VARS1: variants seen among roughly 807,000 people sequenced by gnomAD.
VARS1 encodes the protein valine--tRNA ligase.
In VARS1, 92 loss-of-function variants were observed where a neutral mutation model predicts 161.0. That is an observed-to-expected ratio of 0.57 (90% CI 0.48 to 0.68). The LOEUF (loss-of-function observed/expected upper bound fraction) is 0.68. Among genes scored for constraint, VARS1 ranks in the 30% least tolerant of loss-of-function variants. VARS1 has a pLI of 0.00. For missense variants in VARS1, 1,338 were observed against 1,695.9 expected (o/e 0.79, Z 3.71); for synonymous variants, 595 against 682.5 (o/e 0.87, Z 2.00).
Position 31,782,629 on chromosome 6 carries a change from A to C in VARS1, c.1892T>G (p.Leu631Arg). ...CGCTTTCCTGGCCTCAAACCTGGGCAGGCCCTGGGTAGGAATGAGGCCTCA... is the reference window on the plus strand; with the variant it reads ...CGCTTTCCTGGCCTCAAACCTGGGCCGGCCCTGGGTAGGAATGAGGCCTCA... ...LINVPPPFLG[L>R]PRFEARKAVL... The change falls in exon 16 of 30, where the codon CTG (leucine) becomes CGG (arginine). Residue 631 changes from leucine (L) to arginine (R), a missense_variant. Physicochemically the swap from Leu to Arg is moderately radical, Grantham distance 102. This residue lies in a region of VARS1 where 902 missense variants were observed against 1,090.3 expected (regional missense o/e 0.83). Transcript: ENST00000375663. The surrounding 1 kb of genome is among the most constrained non-coding windows in gnomAD (Gnocchi z 8.3). 1 of 1,613,094 alleles carries C rather than the reference A, an allele frequency of 6.2e-7. No individual in the cohort carries two copies.
In VARS1 at chr6:31,778,739, T is replaced by G; in HGVS notation, c.3726+228A>C. ...GTTGGCTGGTCTCAAACCCCTGGGC[T>G]CAAGTGATCCACCCACCTTGGCCTC... On this transcript the variant is annotated intron_variant, in intron 29 of 29. Transcript: ENST00000375663. The surrounding 1 kb of genome is among the most constrained non-coding windows in gnomAD (Gnocchi z 5.1). 1 of 586,900 alleles carries G rather than the reference T, an allele frequency of 1.7e-6. No homozygotes were observed. The highest frequency in any genetic ancestry group is 3.0e-6 in the Non-Finnish European group (1 of 338,784). 36.4% of individuals were successfully genotyped at this position (586,900 alleles called of 1,614,324 possible).
At position 31,784,106 on chromosome 6, in the gene VARS1, C is replaced by G. The variant is rs1246529777; in HGVS notation, c.1671+108G>C. 2.4e-6 allele frequency: 3 copies of G among 1,275,646 alleles called. No homozygotes were observed. In the African/African-American group the frequency reaches 4.4e-5, roughly 19 times the overall value. The allele number at this position is 1,275,646 out of a possible 1,614,324, so 79.0% of individuals were successfully genotyped here. ...AAAGAAGCTGAAGACCAGTTTCTAA[C>G]CCAGTTTCCTCTCCTCAGCCAGGGG... On this transcript the variant is annotated intron_variant, in intron 13 of 29. Transcript: ENST00000375663. The surrounding 1 kb of genome is among the most constrained non-coding windows in gnomAD (Gnocchi z 6.1).
At chr6:31,793,829 G>A (rs1456890805) in intron 2 of VARS1, among the ~76,000 whole-genome samples, 1 of 152,102 alleles carries the variant, frequency 6.6e-6, no homozygotes, top group Non-Finnish European at 1.5e-5. Context: ...GGGGCCAGGC[G>A]TGGTGGCTCA....
Position 31,780,406 on chromosome 6 carries a change from AGTGCTGC to A in VARS1, c.2925+28_2925+34del. 6.2e-7 allele frequency: 1 copy of A among 1,601,086 alleles called. No homozygotes were observed. The highest frequency in any genetic ancestry group is 1.1e-5 in the South Asian group (1 of 88,400). On this transcript the variant is annotated intron_variant, in intron 25 of 29. Transcript: ENST00000375663. This position sits in a 1 kb window ranked among gnomAD's most constrained non-coding sequence, Gnocchi z 5.1. ...TCCGGACAGGGGTACAGCCTGTGTG[AGTGCTGC>A]CAGCTTTGCTGCCCACCAGGCCCTT...
Position 31,777,520 on chromosome 6 carries a change from T to G in VARS1, c.*74A>C. 1 of 1,586,828 alleles carries G rather than the reference T, an allele frequency of 6.3e-7. No homozygotes were observed. The highest frequency in any genetic ancestry group is 8.6e-7 in the Non-Finnish European group (1 of 1,157,488). On this transcript the variant is annotated 3_prime_UTR_variant, in exon 30 of 30. Coordinates refer to ENST00000375663, the MANE Select transcript of VARS1 (RefSeq NM_006295.3). The surrounding 1 kb of genome is among the most constrained non-coding windows in gnomAD (Gnocchi z 5.8). ...CCCCACCACAGACGACAAGAGGATT[T>G]TGTGGGAAAATATTTTATTGCTGCC...
At position 31,780,858 on chromosome 6, in the gene VARS1, A is replaced by G; in HGVS notation, c.2718+12T>C. The stretch of plus-strand genomic sequence containing the variant: ...GCTGTGCTCCTGCTTAGCCCAGCCC[A>G]ACCCTCCATACCTGCCCTTCTTTGG... On this transcript the variant is annotated intron_variant, in intron 23 of 29. Coordinates refer to ENST00000375663, the MANE Select transcript of VARS1 (RefSeq NM_006295.3). The surrounding 1 kb of genome is among the most constrained non-coding windows in gnomAD (Gnocchi z 5.1). 4 of 1,614,178 alleles carry G rather than the reference A, an allele frequency of 2.5e-6. No individual in the cohort carries two copies. The highest frequency in any genetic ancestry group is 3.4e-6 in the Non-Finnish European group (4 of 1,180,016).
chr6:31,789,236 C>T (rs1206901073), intron 8 of VARS1, among the ~76,000 whole-genome samples: 1 of 150,926 alleles, frequency 6.6e-6, no homozygotes, highest in Non-Finnish European at 1.5e-5. Context: ...ATACCCAGAA[C>T]AGGTAAAGAA....
chr6:31,788,591 G>A (rs1476668811), intron 8 of VARS1, among the ~76,000 whole-genome samples: 2 of 150,962 alleles, frequency 1.3e-5, no homozygotes, highest in African/African-American at 4.9e-5. Context: ...CAGATCATGA[G>A]GTCAAGAGAT....
At position 31,778,871 on chromosome 6, in the gene VARS1, A is replaced by C; in HGVS notation, c.3726+96T>G. 2.0e-6 allele frequency: 3 copies of C among 1,487,504 alleles called. No individual in the cohort carries two copies. The highest frequency in any genetic ancestry group is 2.8e-6 in the Non-Finnish European group (3 of 1,083,148). 92.1% of individuals were successfully genotyped at this position (1,487,504 alleles called of 1,614,324 possible). A position where few individuals can be genotyped will look rare whatever the true frequency, so the allele number is the denominator to read the frequency against. On this transcript the variant is annotated intron_variant, in intron 29 of 29. Coordinates refer to ENST00000375663, the MANE Select transcript of VARS1 (RefSeq NM_006295.3). The surrounding 1 kb of genome is among the most constrained non-coding windows in gnomAD (Gnocchi z 5.1). ...AAGAAATCTGTAACTGGTTACGATCAATTAGTTGTCAACACCACTGCACTC... is the reference window on the plus strand; with the variant it reads ...AAGAAATCTGTAACTGGTTACGATCCATTAGTTGTCAACACCACTGCACTC...
At position 31,780,239 on chromosome 6, in the gene VARS1, C is replaced by A; in HGVS notation, c.2926-86G>T. 1 of 1,576,456 alleles carries A rather than the reference C, an allele frequency of 6.3e-7. No homozygotes were observed. The highest frequency in any genetic ancestry group is 2.3e-5 in the East Asian group (1 of 44,394). On this transcript the variant is annotated intron_variant, in intron 25 of 29. Coordinates refer to ENST00000375663, the MANE Select transcript of VARS1 (RefSeq NM_006295.3). The surrounding 1 kb of genome is among the most constrained non-coding windows in gnomAD (Gnocchi z 5.1). Reference sequence around the variant, plus strand: ...GCAGGAGTCATGGGCAAATCTTCATCCAGAGTCTGATGAGTCCAAAGCAAC... The same window carrying A: ...GCAGGAGTCATGGGCAAATCTTCATACAGAGTCTGATGAGTCCAAAGCAAC...
At position 31,781,978 on chromosome 6, in the gene VARS1, A is replaced by C. The variant is rs1425690987; in HGVS notation, c.2242-26T>G. 6.2e-7 allele frequency: 1 copy of C among 1,612,978 alleles called. No homozygotes were observed. Among genetic ancestry groups the C allele is most frequent in the Non-Finnish European group, 8.5e-7 (1 of 1,179,956 alleles). ...CTGCCACAGGTGCAGTGATTACCCA[A>C]GGGGGTGTGTCTGCTTCTGGCTCAC... On this transcript the variant is annotated intron_variant, in intron 18 of 29. Coordinates refer to ENST00000375663, the MANE Select transcript of VARS1 (RefSeq NM_006295.3). This position sits in a 1 kb window ranked among gnomAD's most constrained non-coding sequence, Gnocchi z 6.8.
At position 31,784,262 on chromosome 6, in the gene VARS1, C is replaced by T. The variant is rs780936810; in HGVS notation, c.1623G>A (p.Met541Ile). Residue 541 changes from methionine (M) to isoleucine (I), a missense_variant, in exon 13 of 30, where the codon ATG becomes ATA. Transcript: ENST00000375663. This position sits in a 1 kb window ranked among gnomAD's most constrained non-coding sequence, Gnocchi z 6.1. The part of the protein sequence containing the change: ...VVVATTRIET[M>I]LGDVAVAVHP... Reference sequence around the variant, plus strand: ...GCACAGCTACAGCCACATCTCCCAGCATTGTCTCGATCCGAGTTGTTGCCA... The same window carrying T: ...GCACAGCTACAGCCACATCTCCCAGTATTGTCTCGATCCGAGTTGTTGCCA... 5 of 1,614,190 alleles carry T rather than the reference C, an allele frequency of 3.1e-6. No individual in the cohort carries two copies. Among genetic ancestry groups the T allele is most frequent in the South Asian group, 1.1e-5 (1 of 91,086 alleles).
Position 31,784,781 on chromosome 6 carries a change from G to A in VARS1, c.1348-67C>T. 1 of 1,605,836 alleles carries A rather than the reference G, an allele frequency of 6.2e-7. No homozygotes were observed. The highest frequency in any genetic ancestry group is 8.5e-7 in the Non-Finnish European group (1 of 1,176,480). ...CCTGGAGGCCCAGGCAGACACCCAG[G>A]GCTCCAGTGAGGCCTTGCCCATACA... is the stretch of plus-strand genomic sequence containing the variant. On this transcript the variant is annotated intron_variant, in intron 10 of 29. Coordinates refer to ENST00000375663, the MANE Select transcript of VARS1 (RefSeq NM_006295.3). This position sits in a 1 kb window ranked among gnomAD's most constrained non-coding sequence, Gnocchi z 6.1.
Position 31,777,889 on chromosome 6 carries a change from A to C in VARS1, c.3727-227T>G. 1.7e-6 allele frequency: 1 copy of C among 601,392 alleles called. No individual in the cohort carries two copies. Among genetic ancestry groups the C allele is most frequent in the Non-Finnish European group, 3.0e-6 (1 of 338,394 alleles). The allele number at this position is 601,392 out of a possible 1,614,324, so 37.3% of individuals were successfully genotyped here. ...TTCCACCAAGTGGTGAGTCCCCAAGAACAAAGGAACCTCAGAGCCTACGTG... is the reference window on the plus strand; with the variant it reads ...TTCCACCAAGTGGTGAGTCCCCAAGCACAAAGGAACCTCAGAGCCTACGTG... On this transcript the variant is annotated intron_variant, in intron 29 of 29. Transcript: ENST00000375663. This position sits in a 1 kb window ranked among gnomAD's most constrained non-coding sequence, Gnocchi z 5.8.
Position 31,782,174 on chromosome 6 carries a change from C to T in VARS1, c.2154G>A (p.Glu718=). Residue 718 remains glutamate, a synonymous_variant, in exon 18 of 30, where the codon GAG becomes GAA. Transcript: ENST00000375663. The surrounding 1 kb of genome is among the most constrained non-coding windows in gnomAD (Gnocchi z 8.3). ...TWHAWMDNIR[E]WCISRQLWWG... ...ACCACAGCTGCCTGGAAATGCACCACTCCCTGCAAATGTCGGGGAGGAGAA... is the reference window on the plus strand; with the variant it reads ...ACCACAGCTGCCTGGAAATGCACCATTCCCTGCAAATGTCGGGGAGGAGAA... 1.2e-6 allele frequency: 2 copies of T among 1,613,410 alleles called. No individual in the cohort carries two copies. The highest frequency in any genetic ancestry group is 1.7e-6 in the Non-Finnish European group (2 of 1,179,668).
intron 8 of VARS1, among the ~76,000 whole-genome samples, chr6:31,788,532 C>T (rs12529130): frequency 1.3e-5 from 2 of 148,858 alleles, no homozygotes; most frequent in East Asian, 2.0e-4. Flanking sequence ...ACAGGCCAGG[C>T]GCGGTGGGTC....
At position 31,785,618 on chromosome 6, in the gene VARS1, G is replaced by A; in HGVS notation, c.1216C>T (p.Gln406Ter). Reference sequence around the variant, plus strand: ...TGTAGAAAGGCCTCGCGGCCCAGCTGGTGCCGGCTCAGTCCCTGCTCACGC... The same window carrying A: ...TGTAGAAAGGCCTCGCGGCCCAGCTAGTGCCGGCTCAGTCCCTGCTCACGC... ...LWREQGLSRH[Q>*]LGREAFLQEV... is the part of the protein sequence containing the mutation. The change falls in exon 9 of 30, where the codon CAG (glutamine) becomes TAG (stop). Residue 406 changes from glutamine to a stop codon, truncating the protein, a stop_gained. Transcript: ENST00000375663. LOFTEE classifies it high-confidence loss of function. This position sits in a 1 kb window ranked among gnomAD's most constrained non-coding sequence, Gnocchi z 6.1. 2 of 1,612,852 alleles carry A rather than the reference G, an allele frequency of 1.2e-6. No individual in the cohort carries two copies. Among genetic ancestry groups the A allele is most frequent in the Non-Finnish European group, 1.7e-6 (2 of 1,179,966 alleles).
In VARS1 at chr6:31,779,024, A is replaced by G; in HGVS notation, c.3669T>C (p.Ala1223=). ...GCACCTTGACAGGATAGCCCGAGGCAGCACGGCGTTCCCGCAGACGCTGGG... is the reference window on the plus strand; with the variant it reads ...GCACCTTGACAGGATAGCCCGAGGCGGCACGGCGTTCCCGCAGACGCTGGG... The part of the protein sequence containing the change: ...RQAQRLRERR[A]ASGYPVKVPL... The change falls in exon 29 of 30, where the codon GCT becomes GCC. Residue 1223 remains alanine (A), a synonymous_variant. Coordinates refer to ENST00000375663, the MANE Select transcript of VARS1 (RefSeq NM_006295.3). The surrounding 1 kb of genome is among the most constrained non-coding windows in gnomAD (Gnocchi z 9.1). 1.9e-6 allele frequency: 3 copies of G among 1,613,018 alleles called. No homozygotes were observed. The highest frequency in any genetic ancestry group is 2.5e-6 in the Non-Finnish European group (3 of 1,180,038).
At chr6:31,792,928 A>G (rs1310736154) in intron 3 of VARS1, 33 bp from the exon 4 acceptor site, 3 of 1,614,112 alleles carry the variant, frequency 1.9e-6, no homozygotes, top group Non-Finnish European at 2.5e-6. Flanking sequence ...CTTCTCAGTC[A>G]CCCTACAGTG....
Sources: allele counts gnomAD v4.1 joint callset (sites outside exome capture counted in the v4.1 genomes callset), GRCh38; gene constraint gnomAD v4.1.1; regional missense constraint gnomAD v4.1.1; non-coding constraint Gnocchi (gnomAD v3.1); transcripts MANE v1.5; gene names NCBI Gene and HGNC (gene_info 2026-07-23, HGNC 2026-07-21).